GALNT18: variants seen among roughly 807,000 people sequenced by gnomAD.
GALNT18 encodes the protein GalNAc-transferase 18.
Under a neutral mutation model 69.5 loss-of-function variants are expected in GALNT18, and 44 were observed. The ratio of observed to expected loss-of-function variants is 0.63; its 90% CI spans 0.50 to 0.81. The LOEUF (loss-of-function observed/expected upper bound fraction) is 0.81. Among genes scored for constraint, GALNT18 ranks in the 40% least tolerant of loss-of-function variants. The pLI is 0.00. For missense variants in GALNT18, 715 were observed against 810.0 expected, an observed-to-expected ratio of 0.88 and a Z score of 1.42; for synonymous variants, 364 against 318.2, an observed-to-expected ratio of 1.14 and a Z score of -1.53.
intron 1 of GALNT18, among the ~76,000 whole-genome samples, chr11:11,585,512 C>T (rs933848735): frequency 4.6e-5 from 7 of 152,072 alleles, no homozygotes; most frequent in African/African-American, 9.7e-5. Context: ...TGCGCCACCA[C>T]GCCTGGCTAA....
intron 1 of GALNT18, among the ~76,000 whole-genome samples, chr11:11,548,396 C>T (rs1858113195): frequency 6.6e-6 from 1 of 152,220 alleles, no homozygotes; most frequent in Non-Finnish European, 1.5e-5. Flanking sequence ...CTTTCCAACA[C>T]CCATTCAGAA....
In GALNT18 at chr11:11,339,516, T is replaced by A. The variant is rs546289991; in HGVS notation, c.1278+1303A>T. 6.6e-6 allele frequency among the ~76,000 whole-genome samples: 1 copy of A among 152,266 alleles called. No individual in the cohort carries two copies. Among genetic ancestry groups the A allele is most frequent in the East Asian group, 1.9e-4 (1 of 5,176 alleles). ...GCTCCTGGGGAGTTTCCAAGTGTTC[T>A]TAATATTTTGCCATCACAGGACACC... On this transcript the variant is annotated intron_variant, in intron 7 of 10. Transcript: ENST00000227756. This position sits in a 1 kb window ranked among gnomAD's most constrained non-coding sequence, Gnocchi z 5.2.
In GALNT18 at chr11:11,446,505, G is replaced by C. The variant is rs372648998; in HGVS notation, c.428+2239C>G. ...GATCTCTTCTCCAGAGCCCCTGTGT[G>C]CTGCCCCCACCAGACCAGCTCCTCT... On this transcript the variant is annotated intron_variant, in intron 2 of 10. Transcript: ENST00000227756. Among the ~76,000 whole-genome samples the C allele has an allele frequency of 3.2e-4, 49 of 152,274 alleles. No homozygotes were observed. The East Asian group carries it at 4.4e-3, about 14-fold the overall frequency.
chr11:11,485,443 T>C (rs1034748680), intron 1 of GALNT18, among the ~76,000 whole-genome samples: 2 of 152,146 alleles, frequency 1.3e-5, no homozygotes, highest in Non-Finnish European at 1.5e-5. Context: ...AGGATATAGA[T>C]AAACAGCCAG....
rs377131654 is a variant in GALNT18, at chr11:11,448,787, G to T, written c.385C>A (p.Arg129Ser). 1 of 1,612,782 alleles carries T rather than the reference G, an allele frequency of 6.2e-7. No individual in the cohort carries two copies. The highest frequency in any genetic ancestry group is 2.2e-5 in the East Asian group (1 of 44,888). The change falls in exon 2 of 11, where the codon CGC (arginine) becomes AGC (serine). Residue 129 changes from arginine to serine, a missense_variant. Coordinates refer to ENST00000227756, the MANE Select transcript of GALNT18 (RefSeq NM_198516.3). ...YYGYNAYLSDRLPLDRPLPDL... is the reference protein window; with the variant it reads ...YYGYNAYLSDSLPLDRPLPDL... ...GGCAGGGGCCGGTCCAGGGGCAGGC[G>T]GTCGCTGAGGTAGGCGTTGTAGCCG...
intron 1 of GALNT18, among the ~76,000 whole-genome samples, chr11:11,533,868 T>A (rs4243933): frequency 8.5e-5 from 13 of 152,214 alleles, no homozygotes; most frequent in Admixed American, 7.9e-4. Context: ...TAAACAAAGG[T>A]GACGTGGCAT....
chr11:11,572,778 G>C (rs1367066702), intron 1 of GALNT18, among the ~76,000 whole-genome samples: 1 of 152,226 alleles, frequency 6.6e-6, no homozygotes, highest in African/African-American at 2.4e-5. Flanking sequence ...GCAGGCGCCA[G>C]CTTCTGCTCA....
intron 10 of GALNT18, 66 bp downstream of exon 10, chr11:11,292,963 C>A (rs947100986): frequency 7.6e-7 from 1 of 1,314,816 alleles, no homozygotes. Context: ...ACCTCCCTGG[C>A]CCCTGAGGCC....
At chr11:11,298,731 A>G (rs1849442790) in intron 9 of GALNT18, among the ~76,000 whole-genome samples, 1 of 152,236 alleles carries the variant, frequency 6.6e-6, no homozygotes, top group Non-Finnish European at 1.5e-5. Flanking sequence ...GCCCCATCAC[A>G]GCAGGTCTTC....
At chr11:11,292,537 C>T (rs979661604) in intron 10 of GALNT18, among the ~76,000 whole-genome samples, 4 of 152,154 alleles carry the variant, frequency 2.6e-5, no homozygotes, top group South Asian at 2.1e-4. Flanking sequence ...CCCAATACTG[C>T]GTGGAAGGCA....
chr11:11,586,334 T>G lies in GALNT18; in HGVS notation c.235+35025A>C, dbSNP rs1163770671. Among the ~76,000 whole-genome samples the G allele has an allele frequency of 6.6e-6, 1 of 152,238 alleles. No homozygotes were observed. The highest frequency in any genetic ancestry group is 2.4e-5 in the African/African-American group (1 of 41,462). ...TTGAAATTTTCTCAGTTTAAATTTC[T>G]ATTGTGGCAAATATTAACTGATACA... On this transcript the variant is annotated intron_variant, in intron 1 of 10. Coordinates refer to ENST00000227756, the MANE Select transcript of GALNT18 (RefSeq NM_198516.3). This position sits in a 1 kb window ranked among gnomAD's most constrained non-coding sequence, Gnocchi z 4.1.
At position 11,325,882 on chromosome 11, in the gene GALNT18, A is replaced by G. The variant is rs558775069; in HGVS notation, c.1512+1204T>C. Among the ~76,000 whole-genome samples, 359 of 152,268 alleles carry G rather than the reference A, an allele frequency of 2.4e-3. 1 individual carries two copies. The highest frequency in any genetic ancestry group is 0.01 in the Middle Eastern group (3 of 294). ...GTCCCCAAAAAGGACAAGATGGTAG[A>G]GGTCGCAATGGACAATCCCTGGGAA... On this transcript the variant is annotated intron_variant, in intron 9 of 10. Transcript: ENST00000227756.
rs141679623 is a variant in GALNT18, at chr11:11,619,291, A to G, written c.235+2068T>C. Reference sequence around the variant, plus strand: ...AAGTGGAACAACACGTGTTTTAGGGACCCTGTCTCCTATTTTTTTAACCTA... The same window carrying G: ...AAGTGGAACAACACGTGTTTTAGGGGCCCTGTCTCCTATTTTTTTAACCTA... On this transcript the variant is annotated intron_variant, in intron 1 of 10. Transcript: ENST00000227756. This position sits in a 1 kb window ranked among gnomAD's most constrained non-coding sequence, Gnocchi z 4.9. Among the ~76,000 whole-genome samples the G allele has an allele frequency of 4.3e-4, 66 of 152,162 alleles. No individual in the cohort carries two copies. The highest frequency in any genetic ancestry group is 7.9e-4 in the Non-Finnish European group (54 of 68,014).
In GALNT18 at chr11:11,444,786, C is replaced by A. The variant is rs1258375880; in HGVS notation, c.428+3958G>T. 6.6e-6 allele frequency among the ~76,000 whole-genome samples: 1 copy of A among 152,058 alleles called. No individual in the cohort carries two copies. The highest frequency in any genetic ancestry group is 6.6e-5 in the Admixed American group (1 of 15,264). ...AGGGTTAGAATTTGGAAGAAAAGAG[C>A]CAAGAATACCAAGAGCAAAGTGTGG... On this transcript the variant is annotated intron_variant, in intron 2 of 10. Coordinates refer to ENST00000227756, the MANE Select transcript of GALNT18 (RefSeq NM_198516.3). This position sits in a 1 kb window ranked among gnomAD's most constrained non-coding sequence, Gnocchi z 4.4.
In GALNT18 at chr11:11,320,509, C is replaced by G. The variant is rs1036707396; in HGVS notation, c.1512+6577G>C. Among the ~76,000 whole-genome samples the G allele has an allele frequency of 6.6e-6, 1 of 152,218 alleles. No homozygotes were observed. Among genetic ancestry groups the G allele is most frequent in the Non-Finnish European group, 1.5e-5 (1 of 68,034 alleles). Reference sequence around the variant, plus strand: ...GTTGAATGTTTGATTTGGACCAAGTCTGTAGGATTCAGAGGATCTTTGGGG... The same window carrying G: ...GTTGAATGTTTGATTTGGACCAAGTGTGTAGGATTCAGAGGATCTTTGGGG... On this transcript the variant is annotated intron_variant, in intron 9 of 10. Coordinates refer to ENST00000227756, the MANE Select transcript of GALNT18 (RefSeq NM_198516.3). The surrounding 1 kb of genome is among the most constrained non-coding windows in gnomAD (Gnocchi z 4.9).
chr11:11,447,835 A>T (rs1394133635), intron 2 of GALNT18, among the ~76,000 whole-genome samples: 2 of 152,238 alleles, frequency 1.3e-5, no homozygotes, highest in Admixed American at 1.3e-4. Context: ...CTACAATTCA[A>T]GATGAGACTT....
intron 1 of GALNT18, among the ~76,000 whole-genome samples, chr11:11,455,583 G>C (rs1419067711): frequency 6.6e-6 from 1 of 152,210 alleles, no homozygotes; most frequent in East Asian, 1.9e-4. Flanking sequence ...CTGCTAGACA[G>C]GTGGCTGTAC....
chr11:11,310,462 C>G (rs1216280600), intron 9 of GALNT18, among the ~76,000 whole-genome samples: 1 of 152,148 alleles, frequency 6.6e-6, no homozygotes, highest in African/African-American at 2.4e-5. Context: ...AAAAATGCTG[C>G]GGAGATGTAA....
intron 6 of GALNT18, among the ~76,000 whole-genome samples, chr11:11,354,407 C>T (rs942468695): frequency 3.9e-5 from 6 of 152,146 alleles, no homozygotes; most frequent in South Asian, 2.1e-4. Context: ...AGAGCATAGC[C>T]TCTGGGGCCA....
Sources: gnomAD v4.1 joint callset for allele counts (sites outside exome capture counted in the v4.1 genomes callset) on GRCh38, gnomAD v4.1.1 for gene constraint, Gnocchi (gnomAD v3.1) non-coding constraint, MANE v1.5 for transcripts, NCBI Gene and HGNC (gene_info 2026-07-23, HGNC 2026-07-21) for gene names.